SULF2: variants seen among roughly 807,000 people sequenced by gnomAD.
SULF2 encodes sulfatase 2, also known as extracellular sulfatase Sulf-2.
A neutral mutation model predicts 107.7 loss-of-function variants in SULF2; 52 were observed. The ratio of observed to expected loss-of-function variants is 0.48; its 90% CI spans 0.39 to 0.61. SULF2 has a LOEUF of 0.61. Ranked by LOEUF, SULF2 falls within the 20% of genes least tolerant of loss-of-function variation. The pLI is 0.00. For synonymous variants in SULF2, 460 were observed against 464.3 expected, an observed-to-expected ratio of 0.99 and a Z score of 0.12; for missense variants, 993 against 1,177.3, an observed-to-expected ratio of 0.84 and a Z score of 2.29.
chr20:47,727,365 G>A (rs1316803350), intron 3 of SULF2, among the ~76,000 whole-genome samples: 1 of 152,150 alleles, frequency 6.6e-6, no homozygotes, highest in Admixed American at 6.5e-5. Context: ...AAGCCAAGGG[G>A]TGCCAAGATT....
intron 3 of SULF2, among the ~76,000 whole-genome samples, chr20:47,716,016 C>T (rs565031578): frequency 8.5e-5 from 13 of 152,258 alleles, no homozygotes; most frequent in Middle Eastern, 3.4e-3. Flanking sequence ...TTGGCCCACA[C>T]GGGACATGAC....
At chr20:47,679,306 T>G (rs1333761704) in intron 7 of SULF2, among the ~76,000 whole-genome samples, 1 of 152,112 alleles carries the variant, frequency 6.6e-6, no homozygotes, top group Admixed American at 6.5e-5. Flanking sequence ...TTCTTTGCTC[T>G]ATGACCAAGG....
intron 11 of SULF2, among the ~76,000 whole-genome samples, chr20:47,668,792 G>A (rs1177268043): frequency 1.3e-5 from 2 of 152,126 alleles, no homozygotes; most frequent in Admixed American, 6.5e-5. Context: ...TCTCCACGCC[G>A]GTGACCGCCT....
intron 2 of SULF2, among the ~76,000 whole-genome samples, chr20:47,744,345 G>A (rs1432269883): frequency 1.3e-5 from 2 of 152,082 alleles, no homozygotes; most frequent in East Asian, 3.8e-4. Flanking sequence ...ACCATGCCCA[G>A]CTATTTTTTT....
At chr20:47,705,048 A>C (rs2088686118) in intron 3 of SULF2, among the ~76,000 whole-genome samples, 1 of 152,214 alleles carries the variant, frequency 6.6e-6, no homozygotes, top group South Asian at 2.1e-4. Context: ...AGGAGTGGGA[A>C]AACCCCTTAG....
In SULF2 at chr20:47,684,541, A is replaced by G; in HGVS notation, c.778T>C (p.Trp260Arg). ...ATGGGCCCCGTGTAGCGCATGATCC[A>G]GTGTTTGTCCGGGTTGGGCGCGTAG... is the stretch of plus-strand genomic sequence containing the variant. ...YNYAPNPDKH[W>R]IMRYTGPMKP... The change falls in exon 6 of 21, where the codon TGG (tryptophan) becomes CGG (arginine). Residue 260 changes from tryptophan to arginine, a missense_variant. By Grantham distance (101) the Trp-to-Arg change is moderately radical. This residue lies in a region of SULF2 where 388 missense variants were observed against 449.2 expected (regional missense o/e 0.86). Transcript: ENST00000688720. The G allele has an allele frequency of 6.2e-7, 1 of 1,614,050 alleles. No homozygotes were observed. The highest frequency in any genetic ancestry group is 8.5e-7 in the Non-Finnish European group (1 of 1,179,970).
intron 15 of SULF2, among the ~76,000 whole-genome samples, 179 bp from the exon 16 acceptor site, chr20:47,663,801 T>C (rs551497679): frequency 3.0e-4 from 45 of 152,322 alleles, no homozygotes; most frequent in Admixed American, 9.8e-4. Context: ...GACCAGAACC[T>C]GGGTCTTGTC....
intron 1 of SULF2, among the ~76,000 whole-genome samples, chr20:47,759,940 C>T (rs1568915089): frequency 6.6e-6 from 1 of 152,242 alleles, no homozygotes. Flanking sequence ...CAGAGACAGG[C>T]TTATGTTATT....
chr20:47,757,090 C>G, intron 2 of SULF2, 99 bp downstream of exon 2: 1 of 1,128,124 alleles, frequency 8.9e-7, no homozygotes, highest in Non-Finnish European at 1.2e-6. Context: ...AAAGTGAGCA[C>G]GACGCATCAA....
At chr20:47,774,138 G>A (rs2090682541) in intron 1 of SULF2, among the ~76,000 whole-genome samples, 1 of 152,230 alleles carries the variant, frequency 6.6e-6, no homozygotes, top group African/African-American at 2.4e-5. Flanking sequence ...TGCTACATTT[G>A]GAGATGCGAG....
At chr20:47,690,073 C>T (rs1309642624) in intron 5 of SULF2, 53 bp downstream of exon 5, 2 of 1,348,148 alleles carry the variant, frequency 1.5e-6, no homozygotes, top group Non-Finnish European at 9.6e-7. Flanking sequence ...AAAGCCTGAC[C>T]CTCCCCCTTC....
intron 2 of SULF2, among the ~76,000 whole-genome samples, chr20:47,742,278 G>A (rs1040973374): frequency 5.9e-5 from 9 of 152,186 alleles, no homozygotes; most frequent in African/African-American, 2.2e-4. Context: ...GGACCTGAAC[G>A]ACACGGCCAC....
At chr20:47,691,240 A>G (rs571878823) in intron 4 of SULF2, among the ~76,000 whole-genome samples, 2 of 152,354 alleles carry the variant, frequency 1.3e-5, no homozygotes, top group Admixed American at 1.3e-4. Flanking sequence ...GGTAGTTAAA[A>G]GTTATGACAG....
intron 1 of SULF2, among the ~76,000 whole-genome samples, chr20:47,767,593 C>T (rs1311775419): frequency 6.6e-6 from 1 of 152,076 alleles, no homozygotes. Context: ...CTGGTTAATG[C>T]GGTGAAACCC....
At chr20:47,726,483 G>A (rs1303808125) in intron 3 of SULF2, among the ~76,000 whole-genome samples, 3 of 152,016 alleles carry the variant, frequency 2.0e-5, no homozygotes, top group Non-Finnish European at 4.4e-5. Flanking sequence ...TCCAAGTGCC[G>A]GGATTACAGG....
intron 13 of SULF2, 108 bp from the exon 14 acceptor site, chr20:47,665,401 C>G: frequency 1.3e-6 from 1 of 793,198 alleles, no homozygotes; most frequent in South Asian, 1.5e-5. Context: ...GCAGCGGCAG[C>G]CTGCACTCCC....
At chr20:47,729,832 T>C (rs550170720) in intron 3 of SULF2, among the ~76,000 whole-genome samples, 2 of 152,064 alleles carry the variant, frequency 1.3e-5, no homozygotes, top group East Asian at 1.9e-4. Context: ...AAGAGGGGCA[T>C]TGGGCCACTT....
chr20:47,761,916 C>T (rs1382078562), intron 1 of SULF2, among the ~76,000 whole-genome samples: 3 of 152,152 alleles, frequency 2.0e-5, no homozygotes, highest in Admixed American at 1.3e-4. Context: ...GGGTGGTTCC[C>T]CCATACTGTT....
intron 11 of SULF2, among the ~76,000 whole-genome samples, chr20:47,671,085 G>A (rs1201137133): frequency 6.6e-6 from 1 of 152,168 alleles, no homozygotes; most frequent in Non-Finnish European, 1.5e-5. Flanking sequence ...GATGGTGGGA[G>A]CTGAGCCTCA....
Sources: allele counts gnomAD v4.1 joint callset (sites outside exome capture counted in the v4.1 genomes callset), GRCh38; gene constraint gnomAD v4.1.1; regional missense constraint gnomAD v4.1.1; transcripts MANE v1.5; gene names NCBI Gene and HGNC (gene_info 2026-07-23, HGNC 2026-07-21).